Variants in PDE3A observed in about 807,000 individuals in gnomAD.
PDE3A encodes the protein cGMP-inhibited 3',5'-cyclic phosphodiesterase 3A.
Under a neutral mutation model 98.3 loss-of-function variants are expected in PDE3A, and 43 were observed. The ratio of observed to expected loss-of-function variants is 0.44; its 90% confidence interval spans 0.34 to 0.56. The LOEUF is 0.56. Among genes scored for constraint, PDE3A ranks in the 20% least tolerant of loss-of-function variants. PDE3A has a pLI of 0.01. For missense variants in PDE3A, 1,427 were observed against 1,440.7 expected (o/e 0.99, Z 0.15); for synonymous variants, 663 against 567.9 (o/e 1.17, Z -2.38).
At position 20,681,956 on chromosome 12, in the gene PDE3A, C is replaced by G. The variant is rs1366813871; in HGVS notation, c.*1685C>G. 1.3e-5 allele frequency: 2 copies of G among 151,958 alleles called. No homozygotes were observed. The highest frequency in any genetic ancestry group is 4.8e-5 in the African/African-American group (2 of 41,374). 9.4% of individuals were successfully genotyped at this position (151,958 alleles called of 1,614,324 possible). A position where few individuals can be genotyped will look rare whatever the true frequency, so the allele number is the denominator to read the frequency against. ...TTTTATAAAGTTATATTTTAATCAC[C>G]ATTTTTATACATTGTAGTTCTCTCC... On this transcript the variant is annotated 3_prime_UTR_variant, in exon 16 of 16. Coordinates refer to ENST00000359062, the MANE Select transcript of PDE3A (RefSeq NM_000921.5).
chr12:20,604,877 T>C (rs1034873604), intron 2 of PDE3A, among the ~76,000 whole-genome samples: 4 of 152,186 alleles, frequency 2.6e-5, no homozygotes, highest in Non-Finnish European at 5.9e-5. Flanking sequence ...TACCCATATT[T>C]CATATTTCAT....
intron 2 of PDE3A, among the ~76,000 whole-genome samples, chr12:20,604,168 C>G (rs958217828): frequency 8.3e-6 from 1 of 120,892 alleles, no homozygotes; most frequent in African/African-American, 3.2e-5. Context: ...GACTCCATCT[C>G]AAGAAAGAAG....
chr12:20,385,944 G>A (rs563190336), intron 1 of PDE3A, among the ~76,000 whole-genome samples: 8 of 120,812 alleles, frequency 6.6e-5, no homozygotes, highest in African/African-American at 9.8e-5. Context: ...ATAATACAAA[G>A]TATTATATTA....
At chr12:20,559,017 A>C (rs1352639529) in intron 2 of PDE3A, among the ~76,000 whole-genome samples, 1 of 152,210 alleles carries the variant, frequency 6.6e-6, no homozygotes, top group Admixed American at 6.5e-5. Context: ...GAAATACAGC[A>C]ATATTTGTAT....
chr12:20,387,085 A>G (rs928392964), intron 1 of PDE3A, among the ~76,000 whole-genome samples: 3 of 151,950 alleles, frequency 2.0e-5, no homozygotes, highest in African/African-American at 7.2e-5. Flanking sequence ...ATGGTTGTAG[A>G]TGTGCAGTCA....
chr12:20,402,983 G>A (rs1944161021), intron 1 of PDE3A, among the ~76,000 whole-genome samples: 2 of 152,118 alleles, frequency 1.3e-5, no homozygotes, highest in Admixed American at 6.5e-5. Context: ...AGTTACATAA[G>A]AATAGAGAAA....
intron 2 of PDE3A, among the ~76,000 whole-genome samples, chr12:20,607,567 C>T (rs968687865): frequency 6.6e-5 from 10 of 151,986 alleles, no homozygotes; most frequent in Admixed American, 1.3e-4. Context: ...TGAAATGCCA[C>T]ATTTTCTATT....
chr12:20,443,248 A>T (rs1014786894), intron 1 of PDE3A, among the ~76,000 whole-genome samples: 1 of 152,166 alleles, frequency 6.6e-6, no homozygotes, highest in African/African-American at 2.4e-5. Context: ...ATAAATGTTT[A>T]GTGAGAGGAA....
chr12:20,400,379 G>GTTTTTTTTT lies in PDE3A; in HGVS notation c.960+30172_960+30180dup, dbSNP rs75851941. ...AGCTCATGTTGACTCGTTAACATTG[G>GTTTTTTTTT]TTTTTTTTTTTTTTTTTTTTTTTTT... On this transcript the variant is annotated intron_variant, in intron 1 of 15. Transcript: ENST00000359062. 6.9e-4 allele frequency among the ~76,000 whole-genome samples: 76 copies of GTTTTTTTTT among 110,248 alleles called. 2 individuals are homozygous for GTTTTTTTTT. The highest frequency in any genetic ancestry group is 5.3e-3 in the Middle Eastern group (1 of 188). 72.3% of individuals were successfully genotyped at this position (110,248 alleles called of 152,430 possible). A position where few individuals can be genotyped will look rare whatever the true frequency, so the allele number is the denominator to read the frequency against.
At chr12:20,537,347 TCA>T (rs1341492446) in intron 1 of PDE3A, among the ~76,000 whole-genome samples, 1 of 152,132 alleles carries the variant, frequency 6.6e-6, no homozygotes, top group East Asian at 1.9e-4. Flanking sequence ...ATATTTTCTC[TCA>T]GTCCTTGTAT....
At chr12:20,491,845 G>A (rs765076858) in intron 1 of PDE3A, among the ~76,000 whole-genome samples, 10 of 152,168 alleles carry the variant, frequency 6.6e-5, no homozygotes, top group Non-Finnish European at 1.2e-4. Context: ...GTTAGTAGTA[G>A]TAAGTAGTGT....
At chr12:20,652,962 G>A (rs889517714) in intron 14 of PDE3A, among the ~76,000 whole-genome samples, 1 of 151,992 alleles carries the variant, frequency 6.6e-6, no homozygotes, top group Non-Finnish European at 1.5e-5. Context: ...CCTAAGAATG[G>A]GATTAATTCA....
At chr12:20,440,139 T>C (rs758049225) in intron 1 of PDE3A, among the ~76,000 whole-genome samples, 5 of 152,172 alleles carry the variant, frequency 3.3e-5, no homozygotes, top group Non-Finnish European at 7.4e-5. Flanking sequence ...GAGAGAAACC[T>C]GTTCAAGGGA....
intron 3 of PDE3A, among the ~76,000 whole-genome samples, chr12:20,614,057 C>G (rs1399780085): frequency 6.6e-6 from 1 of 152,134 alleles, no homozygotes; most frequent in Non-Finnish European, 1.5e-5. Context: ...CTTTCTAGTG[C>G]AGATTCTGTT....
At chr12:20,385,998 A>ATATATATAAATATATATAAAATG (rs1943755923) in intron 1 of PDE3A, among the ~76,000 whole-genome samples, 1 of 106,476 alleles carries the variant, frequency 9.4e-6, no homozygotes, top group East Asian at 2.3e-4. Flanking sequence ...TATATAAAAT[A>ATATATATAAATATATATAAAATG]TATATATAAA....
intron 15 of PDE3A, among the ~76,000 whole-genome samples, chr12:20,658,207 GC>G (rs2121521682): frequency 6.6e-6 from 1 of 152,252 alleles, no homozygotes; most frequent in African/African-American, 2.4e-5. Flanking sequence ...TGTATCTACT[GC>G]CCTTGTTAGG....
chr12:20,594,768 CT>C (rs1943424437), intron 2 of PDE3A, among the ~76,000 whole-genome samples: 1 of 152,092 alleles, frequency 6.6e-6, no homozygotes, highest in Admixed American at 6.6e-5. Context: ...AGAGAACTAG[CT>C]GGTGCTCATC....
intron 2 of PDE3A, chr12:20,572,172 G>A: frequency 8.1e-7 from 1 of 1,235,250 alleles, no homozygotes; most frequent in Non-Finnish European, 1.1e-6. Flanking sequence ...CTGGGAAAAG[G>A]TATGAATAAC....
rs1169588977 is a variant in PDE3A at position 20,369,469 on chromosome 12, C to T, written c.185C>T (p.Ser62Phe). The T allele has an allele frequency of 6.4e-7, 1 of 1,556,254 alleles. No individual in the cohort carries two copies. Among genetic ancestry groups the T allele is most frequent in the Non-Finnish European group, 8.7e-7 (1 of 1,150,664 alleles). Residue 62 changes from serine to phenylalanine, a missense_variant, in exon 1 of 16, where the codon TCC (serine) becomes TTC (phenylalanine). Physicochemically the swap from Ser to Phe is radical, Grantham distance 155. Coordinates refer to ENST00000359062, the MANE Select transcript of PDE3A (RefSeq NM_000921.5). The stretch of plus-strand genomic sequence containing the variant: ...CCGCTCCGGAGCTCTCGGAAACTTT[C>T]CTCCGCGCTGTGCGCGGGCTCCCTG... ...LQPLRSSRKLSSALCAGSLSF... is the reference protein window; with the variant it reads ...LQPLRSSRKLFSALCAGSLSF...
Sources: gnomAD v4.1 joint callset for allele counts (sites outside exome capture counted in the v4.1 genomes callset) on GRCh38, gnomAD v4.1.1 for gene constraint, MANE v1.5 for transcripts, NCBI Gene and HGNC (gene_info 2026-07-23, HGNC 2026-07-21) for gene names.